FER: variants seen among roughly 807,000 people sequenced by gnomAD.
The protein encoded by FER is FER tyrosine kinase, also known as tyrosine-protein kinase Fer.
In FER, 63 loss-of-function variants were observed where a neutral mutation model predicts 111.0. The observed-to-expected ratio is 0.57, with a 90% CI of 0.46 to 0.70. FER has a LOEUF of 0.70. FER is among the 30% of genes least tolerant of loss of function. The probability of loss-of-function intolerance (pLI) is 0.00; values close to 1 mark genes in which losing one functional copy is unlikely to be tolerated. For synonymous variants in FER, 327 were observed against 313.9 expected (o/e 1.04, Z -0.44); for missense variants, 914 against 954.0 (o/e 0.96, Z 0.55).
chr5:108,993,923 T>G (rs534862487), intron 13 of FER, among the ~76,000 whole-genome samples: 1 of 152,326 alleles, frequency 6.6e-6, no homozygotes, highest in Admixed American at 6.5e-5. Flanking sequence ...CTTAAATGTC[T>G]TCTTTTCAGA....
chr5:108,825,452 G>T (rs1759362004), intron 3 of FER, among the ~76,000 whole-genome samples: 1 of 152,176 alleles, frequency 6.6e-6, no homozygotes, highest in African/African-American at 2.4e-5. Context: ...CAGCTCACCG[G>T]CGGTCAGAGT....
At position 109,193,885 on chromosome 5, in the gene FER, G is replaced by C. The variant is rs1219471194; in HGVS notation, c.*6310G>C. On this transcript the variant is annotated 3_prime_UTR_variant, in exon 20 of 20. Coordinates refer to ENST00000281092, the MANE Select transcript of FER (RefSeq NM_005246.4). Reference sequence around the variant, plus strand: ...CTTAACAAGGCCAGCTACACACTCAGTATGTGATAAGCCCCATGATGGATG... The same window carrying C: ...CTTAACAAGGCCAGCTACACACTCACTATGTGATAAGCCCCATGATGGATG... The C allele has an allele frequency of 1.3e-5, 2 of 152,188 alleles. No homozygotes were observed. The highest frequency in any genetic ancestry group is 2.9e-5 in the Non-Finnish European group (2 of 68,038). The allele number at this position is 152,188 out of a possible 1,614,324, so 9.4% of individuals were successfully genotyped here. A position where few individuals can be genotyped will look rare whatever the true frequency, so the allele number is the denominator to read the frequency against.
At chr5:109,028,211 A>G (rs894720202) in intron 13 of FER, among the ~76,000 whole-genome samples, 1 of 152,202 alleles carries the variant, frequency 6.6e-6, no homozygotes, top group Non-Finnish European at 1.5e-5. Flanking sequence ...GCTTTTTGTG[A>G]TTTCATTTTT....
chr5:109,110,062 C>T (rs909391970), intron 17 of FER, among the ~76,000 whole-genome samples: 7 of 152,096 alleles, frequency 4.6e-5, no homozygotes, highest in Non-Finnish European at 4.4e-5. Context: ...TGACTCCACT[C>T]ATATCTCCAT....
chr5:108,973,492 TG>T (rs1486577510), intron 13 of FER, among the ~76,000 whole-genome samples: 1 of 149,294 alleles, frequency 6.7e-6, no homozygotes, highest in Non-Finnish European at 1.5e-5. Flanking sequence ...AACTTCTTTT[TG>T]TTTTTTTTTG....
chr5:109,103,124 A>G (rs1389286383), intron 17 of FER, among the ~76,000 whole-genome samples: 1 of 152,110 alleles, frequency 6.6e-6, no homozygotes, highest in East Asian at 1.9e-4. Flanking sequence ...TTTTCAGGTA[A>G]TGAGGAAAGG....
intron 13 of FER, among the ~76,000 whole-genome samples, chr5:108,995,087 T>G (rs2149761137): frequency 6.6e-6 from 1 of 152,186 alleles, no homozygotes; most frequent in South Asian, 2.1e-4. Context: ...CTCTTCCTAT[T>G]TGTATACCCT....
intron 13 of FER, among the ~76,000 whole-genome samples, chr5:108,964,239 T>C (rs1759509068): frequency 6.6e-6 from 1 of 152,166 alleles, no homozygotes; most frequent in South Asian, 2.1e-4. Flanking sequence ...TTCTAGACTG[T>C]GTTGAGGACA....
chr5:108,860,281 A>G (rs1392919778), intron 5 of FER, among the ~76,000 whole-genome samples: 1 of 152,104 alleles, frequency 6.6e-6, no homozygotes, highest in Non-Finnish European at 1.5e-5. Context: ...GAGCATATAA[A>G]CACAAACATT....
chr5:108,767,008 T>C (rs1752389866), intron 1 of FER, among the ~76,000 whole-genome samples: 1 of 152,110 alleles, frequency 6.6e-6, no homozygotes, highest in Non-Finnish European at 1.5e-5. Flanking sequence ...TACTGAAGCC[T>C]ATGAGGCAGA....
At chr5:108,781,562 A>G (rs979627280) in intron 2 of FER, among the ~76,000 whole-genome samples, 8 of 152,198 alleles carry the variant, frequency 5.3e-5, no homozygotes, top group Admixed American at 1.3e-4. Flanking sequence ...TGTCTTGGGT[A>G]AAAGGAGCTG....
At chr5:108,782,772 A>C (rs1294526448) in intron 2 of FER, 5 of 152,114 alleles carry the variant, frequency 3.3e-5, no homozygotes, top group African/African-American at 7.2e-5. Flanking sequence ...GCCACTGTGC[A>C]AGGACTGAGT....
chr5:108,810,183 A>G (rs1001707518), intron 3 of FER, among the ~76,000 whole-genome samples: 6 of 151,914 alleles, frequency 3.9e-5, no homozygotes, highest in African/African-American at 1.2e-4. Flanking sequence ...GCTCTGCCGT[A>G]TGGACTTCCG....
rs201588240 is a variant in FER at position 109,100,338 on chromosome 5, T to A, written c.1925-58T>A. ...AATATTCCTAATAGATCCAAATAGATGATAAATGTGACTTTCATCATAACT... is the reference window on the plus strand; with the variant it reads ...AATATTCCTAATAGATCCAAATAGAAGATAAATGTGACTTTCATCATAACT... On this transcript the variant is annotated intron_variant, in intron 16 of 19. Transcript: ENST00000281092. 18 of 1,589,888 alleles carry A rather than the reference T, an allele frequency of 1.1e-5. No homozygotes were observed. The East Asian group carries it at 4.0e-4, about 36-fold the overall frequency.
intron 9 of FER, chr5:108,894,473 G>A: frequency 5.0e-6 from 2 of 403,670 alleles, no homozygotes; most frequent in South Asian, 2.9e-5. Context: ...CTGATAACAT[G>A]TGAGGATATT....
intron 3 of FER, among the ~76,000 whole-genome samples, chr5:108,805,754 G>A (rs1263179533): frequency 6.6e-6 from 1 of 152,158 alleles, no homozygotes; most frequent in Non-Finnish European, 1.5e-5. Context: ...ATGATTTAGG[G>A]TATGTGCCAG....
intron 13 of FER, among the ~76,000 whole-genome samples, chr5:108,974,242 T>A (rs962042935): frequency 6.6e-6 from 1 of 152,300 alleles, no homozygotes; most frequent in Middle Eastern, 3.4e-3. Context: ...TCATTCATGA[T>A]TGAGGTGATG....
chr5:109,029,669 CTG>C (rs1017867769), intron 13 of FER, among the ~76,000 whole-genome samples: 3 of 152,074 alleles, frequency 2.0e-5, no homozygotes, highest in African/African-American at 4.8e-5. Flanking sequence ...TTTGTCCAAA[CTG>C]TGTGGTTTCA....
chr5:108,919,213 T>C (rs1026650626), intron 10 of FER, among the ~76,000 whole-genome samples: 1 of 151,594 alleles, frequency 6.6e-6, no homozygotes, highest in Non-Finnish European at 1.5e-5. Flanking sequence ...TATTTCTGCT[T>C]GTTTTTTTTT....
Sources: allele counts gnomAD v4.1 joint callset (sites outside exome capture counted in the v4.1 genomes callset), GRCh38; gene constraint gnomAD v4.1.1; transcripts MANE v1.5; gene names NCBI Gene and HGNC (gene_info 2026-07-23, HGNC 2026-07-21).